MIGA1: variants seen among roughly 807,000 people sequenced by gnomAD.
MIGA1 encodes family with sequence similarity 73, member A.
In MIGA1, 58 loss-of-function variants were observed where a neutral mutation model predicts 82.0. The observed-to-expected ratio is 0.71, with a 90% confidence interval of 0.57 to 0.88. The LOEUF (loss-of-function observed/expected upper bound fraction) is 0.88, where lower values mean the gene tolerates loss of function less well. MIGA1 is among the 40% of genes least tolerant of loss of function. MIGA1 has a pLI of 0.00. For missense variants in MIGA1, 751 were observed against 749.1 expected (o/e 1.00, Z -0.03); for synonymous variants, 249 against 253.6 (o/e 0.98, Z 0.17).
chr1:77,862,607 AG>A (rs1328869802), intron 12 of MIGA1, among the ~76,000 whole-genome samples: 2 of 151,996 alleles, frequency 1.3e-5, no homozygotes, highest in Non-Finnish European at 2.9e-5. Flanking sequence ...AAAATTAGCC[AG>A]GCATGGAGCG....
chr1:77,820,998 G>A (rs980047425), intron 7 of MIGA1, among the ~76,000 whole-genome samples: 14 of 152,134 alleles, frequency 9.2e-5, no homozygotes, highest in Admixed American at 9.2e-4. Flanking sequence ...GCTGGGTGTG[G>A]TGGCGGATGC....
intron 1 of MIGA1, chr1:77,782,971 A>C (rs1336082566): frequency 2.8e-6 from 2 of 703,444 alleles, no homozygotes; most frequent in Non-Finnish European, 3.5e-6. Context: ...TCCTAAGGAA[A>C]ATTTGCTACC....
At chr1:77,847,723 T>G in intron 8 of MIGA1, 1 of 1,582,656 alleles carries the variant, frequency 6.3e-7, no homozygotes, top group Non-Finnish European at 8.7e-7. Context: ...GAAGAGGAAG[T>G]ACCTAAATGC....
Position 77,875,118 on chromosome 1 carries a change from A to C in MIGA1, c.*54A>C. 1 of 1,396,614 alleles carries C rather than the reference A, an allele frequency of 7.2e-7. No individual in the cohort carries two copies. Among genetic ancestry groups the C allele is most frequent in the Non-Finnish European group, 1.0e-6 (1 of 995,906 alleles). 86.5% of individuals were successfully genotyped at this position (1,396,614 alleles called of 1,614,324 possible). A position where few individuals can be genotyped will look rare whatever the true frequency, so the allele number is the denominator to read the frequency against. ...TGCTATGAAATATTTTAAGGTAACTATTGATTTTGTAACATATATTACAAA... is the reference window on the plus strand; with the variant it reads ...TGCTATGAAATATTTTAAGGTAACTCTTGATTTTGTAACATATATTACAAA... On this transcript the variant is annotated 3_prime_UTR_variant, in exon 16 of 16. Transcript: ENST00000370791.
chr1:77,797,750 C>T (rs181349555), intron 2 of MIGA1, among the ~76,000 whole-genome samples: 29 of 152,002 alleles, frequency 1.9e-4, no homozygotes, highest in Admixed American at 1.2e-3. Context: ...ATTCAAATTC[C>T]GGTTGCTTAT....
At chr1:77,829,582 C>G (rs1684157333) in intron 7 of MIGA1, among the ~76,000 whole-genome samples, 1 of 152,104 alleles carries the variant, frequency 6.6e-6, no homozygotes, top group African/African-American at 2.4e-5. Context: ...GATTCTCGTG[C>G]CTCAGCTTTC....
At chr1:77,817,244 T>G (rs1402167532) in intron 7 of MIGA1, among the ~76,000 whole-genome samples, 3 of 152,230 alleles carry the variant, frequency 2.0e-5, no homozygotes, top group Admixed American at 2.0e-4. Context: ...TTCTTGTTGC[T>G]TTTAGACAAG....
chr1:77,784,671 A>G (rs895265170), intron 2 of MIGA1, among the ~76,000 whole-genome samples: 3 of 152,118 alleles, frequency 2.0e-5, no homozygotes, highest in African/African-American at 4.8e-5. Flanking sequence ...TATTTCATTG[A>G]TAGTAGCCAT....
intron 8 of MIGA1, among the ~76,000 whole-genome samples, chr1:77,856,526 T>C (rs565414246): frequency 6.6e-6 from 1 of 152,278 alleles, no homozygotes; most frequent in African/African-American, 2.4e-5. Flanking sequence ...TAATCGGTAA[T>C]TTTTTAATTA....
intron 8 of MIGA1, among the ~76,000 whole-genome samples, chr1:77,844,837 C>T (rs1461924500): frequency 6.6e-6 from 1 of 152,008 alleles, no homozygotes; most frequent in East Asian, 1.9e-4. Flanking sequence ...AAAAAATTAG[C>T]CGGGCATGGT....
intron 8 of MIGA1, among the ~76,000 whole-genome samples, chr1:77,856,860 TG>T (rs1179158906): frequency 4.6e-5 from 7 of 152,180 alleles, no homozygotes; most frequent in African/African-American, 1.7e-4. Flanking sequence ...TATTTTTTTT[TG>T]TTTCAATTTC....
intron 14 of MIGA1, among the ~76,000 whole-genome samples, chr1:77,871,322 C>T (rs1432823796): frequency 3.3e-5 from 5 of 151,812 alleles, no homozygotes; most frequent in African/African-American, 1.2e-4. Context: ...GCCAACATGG[C>T]GAAACCCCGT....
At chr1:77,813,012 GCT>G (rs1413556028) in intron 5 of MIGA1, among the ~76,000 whole-genome samples, 4 of 151,864 alleles carry the variant, frequency 2.6e-5, no homozygotes, top group Non-Finnish European at 5.9e-5. Context: ...ACAGAGTCTT[GCT>G]CTGTCACCTA....
In MIGA1 at chr1:77,827,049, C is replaced by T. The variant is rs148471228; in HGVS notation, c.895+11818C>T. Among the ~76,000 whole-genome samples, 741 of 152,082 alleles carry T rather than the reference C, an allele frequency of 4.9e-3. 3 individuals are homozygous for T. Among genetic ancestry groups the T allele is most frequent in the Non-Finnish European group, 7.7e-3 (523 of 67,996 alleles). On this transcript the variant is annotated intron_variant, in intron 7 of 15. Coordinates refer to ENST00000370791, the MANE Select transcript of MIGA1 (RefSeq NM_198549.4). ...CTCAAGCTCCTGACCTCAGGTGATC[C>T]ACTCAGCTGGGCCTCCCAAAGTGCT... is the stretch of plus-strand genomic sequence containing the variant.
chr1:77,818,980 T>G (rs1683693005), intron 7 of MIGA1, among the ~76,000 whole-genome samples: 1 of 149,402 alleles, frequency 6.7e-6, no homozygotes, highest in African/African-American at 2.5e-5. Flanking sequence ...CTCGGGAGGC[T>G]GAGGGAAGAG....
At chr1:77,824,983 C>CT (rs11375207) in intron 7 of MIGA1, among the ~76,000 whole-genome samples, 42,548 of 102,210 alleles carry the variant, frequency 0.42, 10,935 homozygotes, top group Non-Finnish European at 0.56. Flanking sequence ...TTCTATTCCT[C>CT]TTTTTTTTTT....
In MIGA1 at chr1:77,878,922, C is replaced by T. The variant is rs1048554389; in HGVS notation, c.*3858C>T. Reference sequence around the variant, plus strand: ...TTCCGTTAATTTGTTGAATTAAATGCCTTTATAAAAATATTTACAAATGTT... The same window carrying T: ...TTCCGTTAATTTGTTGAATTAAATGTCTTTATAAAAATATTTACAAATGTT... On this transcript the variant is annotated 3_prime_UTR_variant, in exon 16 of 16. Coordinates refer to ENST00000370791, the MANE Select transcript of MIGA1 (RefSeq NM_198549.4). The T allele has an allele frequency of 6.0e-6, 2 of 332,666 alleles. No homozygotes were observed. The highest frequency in any genetic ancestry group is 9.8e-5 in the Admixed American group (2 of 20,336). 20.6% of individuals were successfully genotyped at this position (332,666 alleles called of 1,614,324 possible). A position where few individuals can be genotyped will look rare whatever the true frequency, so the allele number is the denominator to read the frequency against.
chr1:77,871,441 G>T (rs1241998554), intron 14 of MIGA1, among the ~76,000 whole-genome samples: 1 of 152,002 alleles, frequency 6.6e-6, no homozygotes. Context: ...GGCAGAGGTT[G>T]CAGTGAGCCA....
At chr1:77,786,188 G>A (rs1235252336) in intron 2 of MIGA1, among the ~76,000 whole-genome samples, 4 of 152,204 alleles carry the variant, frequency 2.6e-5, no homozygotes, top group African/African-American at 9.6e-5. Flanking sequence ...TTTCAACCAT[G>A]GCTAGAGTGG....
Sources: allele counts gnomAD v4.1 joint callset (sites outside exome capture counted in the v4.1 genomes callset), GRCh38; gene constraint gnomAD v4.1.1; transcripts MANE v1.5; gene names NCBI Gene and HGNC (gene_info 2026-07-23, HGNC 2026-07-21).